POFUT3: variants seen among roughly 807,000 people sequenced by gnomAD.
POFUT3 encodes the protein GDP-fucose protein O-fucosyltransferase 3.
the POFUT3 span, among the ~76,000 whole-genome samples, chr8:33,344,825 C>A: frequency 1.3e-5 from 2 of 152,338 alleles, no homozygotes; most frequent in African/African-American, 4.8e-5. Context: ...AGGCAACTTG[C>A]CGAATCCCTT....
chr8:33,317,319 T>C, the POFUT3 span, among the ~76,000 whole-genome samples: 1 of 152,158 alleles, frequency 6.6e-6, no homozygotes, highest in Non-Finnish European at 1.5e-5. Context: ...AGGACTGAAC[T>C]CTGACAGTTA....
chr8:33,373,920 G>C, the POFUT3 span, among the ~76,000 whole-genome samples: 1 of 152,124 alleles, frequency 6.6e-6, no homozygotes, highest in Non-Finnish European at 1.5e-5. Context: ...CCTGAACCAA[G>C]CAATCAAAGT....
the POFUT3 span, among the ~76,000 whole-genome samples, chr8:33,404,064 G>A: frequency 3.0e-3 from 455 of 152,220 alleles, 3 homozygotes; most frequent in Non-Finnish European, 5.1e-3. Context: ...CAGGCCGGGC[G>A]CGGTAGCTCA....
At chr8:33,383,859 A>C in the POFUT3 span, among the ~76,000 whole-genome samples, 117 of 151,870 alleles carry the variant, frequency 7.7e-4, 1 homozygote, top group African/African-American at 2.8e-3. Context: ...TCTTGGAAAA[A>C]CTGTAGAGAT....
the POFUT3 span, among the ~76,000 whole-genome samples, chr8:33,400,917 C>T: frequency 6.6e-6 from 1 of 152,130 alleles, no homozygotes; most frequent in African/African-American, 2.4e-5. Flanking sequence ...CTTAATATTA[C>T]CAAAGTTGCC....
the POFUT3 span, among the ~76,000 whole-genome samples, chr8:33,390,698 A>G: frequency 2.6e-5 from 4 of 152,198 alleles, no homozygotes; most frequent in African/African-American, 9.7e-5. Context: ...TTAAAGACGA[A>G]AGAGCTGATA....
At chr8:33,461,341 A>G in the POFUT3 span, 46 of 1,581,276 alleles carry the variant, frequency 2.9e-5, no homozygotes, top group African/African-American at 5.1e-4. Context: ...AGGCCCAGCT[A>G]TCAACACTAC....
At chr8:33,470,443 G>C in the POFUT3 span, among the ~76,000 whole-genome samples, 1 of 151,874 alleles carries the variant, frequency 6.6e-6, no homozygotes, top group Non-Finnish European at 1.5e-5. Context: ...AATTAAAAGT[G>C]GGGTGACAGC....
the POFUT3 span, among the ~76,000 whole-genome samples, chr8:33,450,324 G>A: frequency 9.2e-5 from 14 of 152,294 alleles, no homozygotes; most frequent in African/African-American, 2.2e-4. Flanking sequence ...CTTTTCTCTC[G>A]TGGTACACGT....
At chr8:33,471,872 TG>T in the POFUT3 span, among the ~76,000 whole-genome samples, 1 of 152,168 alleles carries the variant, frequency 6.6e-6, no homozygotes, top group Admixed American at 6.5e-5. Context: ...AAGACCTGAA[TG>T]ATCACCTGAG....
chr8:33,332,111 C>A, the POFUT3 span, among the ~76,000 whole-genome samples: 1 of 150,810 alleles, frequency 6.6e-6, no homozygotes, highest in Non-Finnish European at 1.5e-5. Flanking sequence ...CCAGTGCACT[C>A]CAGCCTGGGC....
the POFUT3 span, among the ~76,000 whole-genome samples, chr8:33,409,770 T>C: frequency 6.6e-6 from 1 of 152,178 alleles, no homozygotes. Context: ...CCGGGCGTGG[T>C]GGTACACACC....
chr8:33,352,693 C>T, the POFUT3 span, among the ~76,000 whole-genome samples: 8 of 152,090 alleles, frequency 5.3e-5, no homozygotes, highest in Admixed American at 2.6e-4. Flanking sequence ...CAAAGGGACA[C>T]GAATGGACAA....
the POFUT3 span, among the ~76,000 whole-genome samples, chr8:33,471,395 A>C: frequency 6.6e-6 from 1 of 152,076 alleles, no homozygotes; most frequent in South Asian, 2.1e-4. Flanking sequence ...CTACACGCAC[A>C]CGCCACCACA....
At chr8:33,368,271 T>G in the POFUT3 span, among the ~76,000 whole-genome samples, 1 of 152,142 alleles carries the variant, frequency 6.6e-6, no homozygotes, top group Non-Finnish European at 1.5e-5. Flanking sequence ...GGCTGTTAAG[T>G]CCAATGACTC....
At chr8:33,436,240 T>C in the POFUT3 span, 1 of 1,350,814 alleles carries the variant, frequency 7.4e-7, no homozygotes, top group Non-Finnish European at 1.1e-6. Context: ...GGGTGTATTC[T>C]CATGCACAAC....
the POFUT3 span, among the ~76,000 whole-genome samples, chr8:33,463,127 T>C: frequency 1.3e-5 from 2 of 152,092 alleles, no homozygotes; most frequent in Non-Finnish European, 2.9e-5. Flanking sequence ...ATCATGCCCC[T>C]GACATACAGA....
chr8:33,403,013 A>G, the POFUT3 span, among the ~76,000 whole-genome samples: 5 of 152,032 alleles, frequency 3.3e-5, no homozygotes, highest in African/African-American at 9.7e-5. Context: ...GTGAGCCGAG[A>G]TCGCACCCCT....
At chr8:33,451,390 G>A in the POFUT3 span, among the ~76,000 whole-genome samples, 1 of 151,908 alleles carries the variant, frequency 6.6e-6, no homozygotes. Flanking sequence ...GTAAGTGTAT[G>A]TATGTATATA....
Sources: gnomAD v4.1 joint callset for allele counts (sites outside exome capture counted in the v4.1 genomes callset) on GRCh38, gnomAD v4.1.1 for gene constraint, MANE v1.5 for transcripts, NCBI Gene and HGNC (gene_info 2026-07-23, HGNC 2026-07-21) for gene names.